ADCYAP1: variants seen among roughly 807,000 people sequenced by gnomAD.
The protein encoded by ADCYAP1 is pituitary adenylate cyclase-activating polypeptide.
In ADCYAP1, 6 loss-of-function variants were observed where a neutral mutation model predicts 18.5. That is an observed-to-expected ratio of 0.32 (90% confidence interval 0.18 to 0.64). The LOEUF is 0.64. Ranked by LOEUF, ADCYAP1 falls within the 30% of genes least tolerant of loss-of-function variation. The pLI is 0.77. For synonymous variants in ADCYAP1, 136 were observed against 113.9 expected (o/e 1.19, Z -1.24); for missense variants, 314 against 253.6 (o/e 1.24, Z -1.62).
upstream of ADCYAP1, chr18:904,765 G>T: frequency 2.4e-6 from 3 of 1,269,860 alleles, no homozygotes; most frequent in Non-Finnish European, 3.1e-6. Context: ...GCTCCTCCGC[G>T]CTTCACCTCA....
Position 905,500 on chromosome 18 carries a change from G to C in ADCYAP1, c.110+4G>C. Reference sequence around the variant, plus strand: ...GACTCCGGTTCCCCGGGATCAGGTAGGTGCTGGCTGCCTGGCCCAAGCAGG... The same window carrying C: ...GACTCCGGTTCCCCGGGATCAGGTACGTGCTGGCTGCCTGGCCCAAGCAGG... On this transcript the variant is annotated splice_donor_region_variant and intron_variant, in intron 2 of 4. Transcript: ENST00000450565. The C allele has an allele frequency of 6.2e-7, 1 of 1,605,020 alleles. No individual in the cohort carries two copies. Among genetic ancestry groups the C allele is most frequent in the East Asian group, 2.2e-5 (1 of 44,868 alleles).
rs1325954904 is a variant in ADCYAP1, at chr18:910,142, G to A, written c.*507G>A. 1.3e-5 allele frequency: 2 copies of A among 152,564 alleles called. No homozygotes were observed. Among genetic ancestry groups the A allele is most frequent in the African/African-American group, 4.8e-5 (2 of 41,422 alleles). 9.5% of individuals were successfully genotyped at this position (152,564 alleles called of 1,614,324 possible). A position where few individuals can be genotyped will look rare whatever the true frequency, so the allele number is the denominator to read the frequency against. On this transcript the variant is annotated 3_prime_UTR_variant, in exon 5 of 5. Coordinates refer to ENST00000450565, the MANE Select transcript of ADCYAP1 (RefSeq NM_001099733.2). The stretch of plus-strand genomic sequence containing the variant: ...TGATGCCCTGCTCCAGGGAGATTTT[G>A]AGGTAAAGATATGGAGAATTGCTGA...
Position 909,899 on chromosome 18 carries a change from TA to T in ADCYAP1, c.*265del, listed in dbSNP as rs1909327741. ...ATATATATATATATATATATATATA[TA>T]TATATAAAGTATAGAGAGAAGTTCA... On this transcript the variant is annotated 3_prime_UTR_variant, in exon 5 of 5. Coordinates refer to ENST00000450565, the MANE Select transcript of ADCYAP1 (RefSeq NM_001099733.2). 2 of 105,818 alleles carry T rather than the reference TA, an allele frequency of 1.9e-5. No individual in the cohort carries two copies. The highest frequency in any genetic ancestry group is 3.8e-5 in the Non-Finnish European group (2 of 52,286). 6.6% of individuals were successfully genotyped at this position (105,818 alleles called of 1,614,324 possible).
chr18:905,611 G>A, intron 2 of ADCYAP1, 115 bp downstream of exon 2: 2 of 1,224,540 alleles, frequency 1.6e-6, no homozygotes, highest in Non-Finnish European at 2.2e-6. Flanking sequence ...CGCCCTCTGC[G>A]CCCCCGGTGC....
At chr18:909,019 A>T (rs1168117071) in intron 4 of ADCYAP1, among the ~76,000 whole-genome samples, 1 of 152,194 alleles carries the variant, frequency 6.6e-6, no homozygotes, top group Non-Finnish European at 1.5e-5. Flanking sequence ...TGCAGGATCG[A>T]TGCAAACTCC....
chr18:908,827 T>C (rs940196), intron 4 of ADCYAP1, among the ~76,000 whole-genome samples: 145,847 of 152,244 alleles, frequency 0.96, 69,977 homozygotes, highest in Non-Finnish European at 0.99. Context: ...ACAGGGCTTG[T>C]GTGAAGCCTA....
upstream of ADCYAP1, chr18:904,606 C>T (rs1343632711): frequency 3.2e-6 from 4 of 1,258,460 alleles, no homozygotes; most frequent in Non-Finnish European, 4.1e-6. Context: ...GAGAAGGCGC[C>T]GCCGACCCTC....
At position 904,952 on chromosome 18, in the gene ADCYAP1, C is replaced by T; in HGVS notation, c.-110C>T. The T allele has an allele frequency of 3.1e-6, 4 of 1,290,894 alleles. No individual in the cohort carries two copies. The highest frequency in any genetic ancestry group is 4.0e-6 in the Non-Finnish European group (4 of 989,942). 80.0% of individuals were successfully genotyped at this position (1,290,894 alleles called of 1,614,324 possible). A position where few individuals can be genotyped will look rare whatever the true frequency, so the allele number is the denominator to read the frequency against. ...CCTGCGGCTTCTGCTCAGACACCAA[C>T]GCCAGACGGCGATGCCTCTCGGGTG... On this transcript the variant is annotated 5_prime_UTR_variant, in exon 1 of 5. The change creates a new upstream start codon in the 5' untranslated region. Transcript: ENST00000450565.
At position 908,141 on chromosome 18, in the gene ADCYAP1, C is replaced by T. The variant is rs918452016; in HGVS notation, c.243-124C>T. 4.4e-5 allele frequency: 37 copies of T among 846,256 alleles called. No homozygotes were observed. The African/African-American group carries it at 6.4e-4, about 15-fold the overall frequency. The allele number at this position is 846,256 out of a possible 1,614,324, so 52.4% of individuals were successfully genotyped here. On this transcript the variant is annotated intron_variant, in intron 3 of 4. Transcript: ENST00000450565. ...CGGGAGTTATTGGCGAGTTCTGGGCCTCTGGAGGTTTCCCTGTCAGCCTCC... is the reference window on the plus strand; with the variant it reads ...CGGGAGTTATTGGCGAGTTCTGGGCTTCTGGAGGTTTCCCTGTCAGCCTCC...
chr18:909,105 A>G (rs1308650539), intron 4 of ADCYAP1, among the ~76,000 whole-genome samples: 1 of 152,106 alleles, frequency 6.6e-6, no homozygotes, highest in Non-Finnish European at 1.5e-5. Context: ...AGGAACAGCG[A>G]GGACAATTTA....
Position 907,806 on chromosome 18 carries a change from C to T in ADCYAP1, c.242+16C>T. The T allele has an allele frequency of 7.0e-7, 1 of 1,423,342 alleles. No individual in the cohort carries two copies. The highest frequency in any genetic ancestry group is 9.1e-7 in the Non-Finnish European group (1 of 1,104,154). The allele number at this position is 1,423,342 out of a possible 1,614,324, so 88.2% of individuals were successfully genotyped here. On this transcript the variant is annotated intron_variant, in intron 3 of 4. Transcript: ENST00000450565. The stretch of plus-strand genomic sequence containing the variant: ...CCGGGAGAAGGTGAGATTCGCGCGG[C>T]CTCGCGCACACCCGCGGCTGGGAGC...
chr18:907,462 C>G, intron 2 of ADCYAP1, 197 bp from the exon 3 acceptor site: 1 of 526,264 alleles, frequency 1.9e-6, no homozygotes, highest in South Asian at 3.3e-5. Flanking sequence ...GCGGGCCGCC[C>G]GGCGGGGTAG....
At chr18:908,409 C>G (rs772717753) in intron 4 of ADCYAP1, 46 bp downstream of exon 4, 1 of 1,552,516 alleles carries the variant, frequency 6.4e-7, no homozygotes, top group East Asian at 2.3e-5. Context: ...GGGGTGGGTG[C>G]CTGTGCGGGG....
Position 904,986 on chromosome 18 carries a change from A to G in ADCYAP1, c.-76A>G, listed in dbSNP as rs886347376. On this transcript the variant is annotated 5_prime_UTR_variant, in exon 1 of 5. Transcript: ENST00000450565. ...GCGATGCCTCTCGGGTGGTGACTCCAGCGCAGGAACTTGAAGAAGCGCTTT... is the reference window on the plus strand; with the variant it reads ...GCGATGCCTCTCGGGTGGTGACTCCGGCGCAGGAACTTGAAGAAGCGCTTT... The G allele has an allele frequency of 3.2e-5, 41 of 1,291,226 alleles. No individual in the cohort carries two copies. Among genetic ancestry groups the G allele is most frequent in the Non-Finnish European group, 3.9e-5 (39 of 990,124 alleles). 80.0% of individuals were successfully genotyped at this position (1,291,226 alleles called of 1,614,324 possible). A position where few individuals can be genotyped will look rare whatever the true frequency, so the allele number is the denominator to read the frequency against.
intron 2 of ADCYAP1, chr18:905,842 C>A: frequency 3.0e-6 from 1 of 328,980 alleles, no homozygotes; most frequent in East Asian, 6.3e-5. Context: ...ATTCTTGGGA[C>A]GAGTTAGGAG....
intron 2 of ADCYAP1, chr18:905,740 G>A (rs1047841545): frequency 5.6e-5 from 30 of 535,300 alleles, no homozygotes; most frequent in South Asian, 1.0e-4. Flanking sequence ...GGTAGAGCCA[G>A]TGAGCTTCTG....
intron 3 of ADCYAP1, 61 bp from the exon 4 acceptor site, chr18:908,204 T>C (rs1909250862): frequency 1.4e-6 from 2 of 1,476,004 alleles, no homozygotes; most frequent in South Asian, 2.4e-5. Flanking sequence ...CAAGGGGGTC[T>C]CTAGCGGCCA....
chr18:904,679 C>T (rs909299244), upstream of ADCYAP1: 21 of 1,215,726 alleles, frequency 1.7e-5, no homozygotes, highest in Non-Finnish European at 2.2e-5. Context: ...CCCTTGCCTT[C>T]CTCCCCTTCT....
intron 1 of ADCYAP1, 162 bp downstream of exon 1, chr18:905,222 C>T: frequency 6.9e-7 from 1 of 1,453,706 alleles, no homozygotes; most frequent in Non-Finnish European, 9.0e-7. Flanking sequence ...CTATAGCAAG[C>T]AAGAAGTGGC....
Sources: allele counts gnomAD v4.1 joint callset (sites outside exome capture counted in the v4.1 genomes callset), GRCh38; gene constraint gnomAD v4.1.1; transcripts MANE v1.5; gene names NCBI Gene and HGNC (gene_info 2026-07-23, HGNC 2026-07-21).